The following GRB14 variants were observed in gnomAD, a reference collection of about 807,000 sequenced individuals.
The protein encoded by GRB14 is growth factor receptor bound protein 14.
Under a neutral mutation model 69.1 loss-of-function variants are expected in GRB14, and 38 were observed. That is an observed-to-expected ratio of 0.55 (90% confidence interval 0.42 to 0.72). GRB14 has a LOEUF of 0.72. Among genes scored for constraint, GRB14 ranks in the 30% least tolerant of loss-of-function variants. The pLI, the probability that GRB14 is intolerant of heterozygous loss-of-function variation, is 0.00. For missense variants in GRB14, 666 were observed against 666.1 expected, an observed-to-expected ratio of 1.00 and a Z score of 0.00; for synonymous variants, 247 against 241.3, an observed-to-expected ratio of 1.02 and a Z score of -0.22.
chr2:164,496,939 A>G (rs1220688245), intron 12 of GRB14, 69 bp downstream of exon 12: 1 of 1,211,570 alleles, frequency 8.3e-7, no homozygotes, highest in African/African-American at 1.5e-5. Context: ...GTGGCTATGG[A>G]ATAAATAATT....
chr2:164,580,655 G>T (rs1410594130), intron 2 of GRB14, among the ~76,000 whole-genome samples: 5 of 151,014 alleles, frequency 3.3e-5, no homozygotes, highest in Non-Finnish European at 7.4e-5. Context: ...AGTGAGCCAA[G>T]ATTGTGCCAC....
chr2:164,554,169 A>G (rs1688619238), intron 2 of GRB14, among the ~76,000 whole-genome samples: 1 of 152,162 alleles, frequency 6.6e-6, no homozygotes. Flanking sequence ...GCTGTTCTTA[A>G]GAACCACTGA....
chr2:164,569,126 G>C (rs1044116497), intron 2 of GRB14, among the ~76,000 whole-genome samples: 32 of 152,156 alleles, frequency 2.1e-4, no homozygotes, highest in Non-Finnish European at 3.7e-4. Context: ...TTTTTAAAAA[G>C]CACAAATGTG....
At chr2:164,577,194 C>T (rs1055791473) in intron 2 of GRB14, among the ~76,000 whole-genome samples, 6 of 152,158 alleles carry the variant, frequency 3.9e-5, no homozygotes, top group African/African-American at 1.4e-4. Context: ...CTTTAAGGAA[C>T]AGATCATTTC....
At chr2:164,501,624 T>C (rs996597171) in intron 9 of GRB14, among the ~76,000 whole-genome samples, 5 of 152,158 alleles carry the variant, frequency 3.3e-5, no homozygotes, top group Non-Finnish European at 5.9e-5. Context: ...AAGTTACATT[T>C]AGTATAAGTC....
At chr2:164,531,729 G>T (rs1687943801) in intron 3 of GRB14, among the ~76,000 whole-genome samples, 1 of 152,140 alleles carries the variant, frequency 6.6e-6, no homozygotes, top group South Asian at 2.1e-4. Flanking sequence ...TAACTGGATG[G>T]TGTAGGTCCC....
intron 2 of GRB14, among the ~76,000 whole-genome samples, chr2:164,580,709 GAA>G (rs58711289): frequency 0.04 from 5,675 of 142,682 alleles, 347 homozygotes; most frequent in African/African-American, 0.13. Context: ...ATCTCAGGAA[GAA>G]AAAAAAAAAA....
chr2:164,578,482 A>G (rs922407068), intron 2 of GRB14, among the ~76,000 whole-genome samples: 17 of 151,648 alleles, frequency 1.1e-4, no homozygotes, highest in African/African-American at 4.1e-4. Context: ...AACCCAAAAG[A>G]AAAATGAACA....
chr2:164,504,305 T>G (rs1232787403), intron 8 of GRB14, among the ~76,000 whole-genome samples: 1 of 152,102 alleles, frequency 6.6e-6, no homozygotes, highest in East Asian at 1.9e-4. Flanking sequence ...TATCTCCTTG[T>G]TCATTCCCGC....
chr2:164,506,758 T>C (rs1687199786), intron 8 of GRB14, among the ~76,000 whole-genome samples: 1 of 151,998 alleles, frequency 6.6e-6, no homozygotes, highest in Admixed American at 6.6e-5. Context: ...TATAGATAGA[T>C]ATAGAGAGCT....
intron 8 of GRB14, among the ~76,000 whole-genome samples, chr2:164,506,076 C>T (rs1318123954): frequency 1.3e-5 from 2 of 152,074 alleles, no homozygotes; most frequent in Non-Finnish European, 2.9e-5. Flanking sequence ...CAGAGAAAAC[C>T]AAAAACCACA....
Position 164,547,765 on chromosome 2 carries a change from T to C in GRB14, c.376A>G (p.Ser126Gly), listed in dbSNP as rs747968701. ...CAAACATCTCGAGCCGTTATGTCAC[T>C]GGGTACATCTAAAGCCCTGCTGGTT... Reference protein sequence around the residue: ...DETSRALDVPSDITARDVCQL... With the variant: ...DETSRALDVPGDITARDVCQL... Residue 126 changes from serine to glycine, a missense_variant, in exon 3 of 14, where the codon AGT becomes GGT. Coordinates refer to ENST00000263915, the MANE Select transcript of GRB14 (RefSeq NM_004490.3). The C allele has an allele frequency of 8.7e-6, 14 of 1,613,690 alleles. No homozygotes were observed. The highest frequency in any genetic ancestry group is 1.2e-5 in the Non-Finnish European group (14 of 1,179,748).
At chr2:164,597,564 C>G (rs1330828618) in intron 2 of GRB14, among the ~76,000 whole-genome samples, 1 of 151,890 alleles carries the variant, frequency 6.6e-6, no homozygotes, top group Non-Finnish European at 1.5e-5. Flanking sequence ...ATTAACTATA[C>G]TAGCTAACAA....
chr2:164,505,897 A>T, intron 8 of GRB14, among the ~76,000 whole-genome samples: 1 of 152,136 alleles, frequency 6.6e-6, no homozygotes, highest in Admixed American at 6.6e-5. Context: ...CCTGGTAAAA[A>T]CCAATGGCTT....
intron 9 of GRB14, among the ~76,000 whole-genome samples, chr2:164,498,677 A>C (rs962386887): frequency 2.6e-5 from 4 of 152,188 alleles, no homozygotes; most frequent in Non-Finnish European, 5.9e-5. Flanking sequence ...AAAGCATTTT[A>C]TCTCTCTTTA....
At chr2:164,496,933 CT>C (rs1180242570) in intron 12 of GRB14, 74 bp downstream of exon 12, 1 of 1,148,862 alleles carries the variant, frequency 8.7e-7, no homozygotes, top group Non-Finnish European at 1.3e-6. Flanking sequence ...CTCTTTGTGG[CT>C]ATGGAATAAA....
At chr2:164,566,661 CT>C (rs1221409079) in intron 2 of GRB14, among the ~76,000 whole-genome samples, 1 of 152,054 alleles carries the variant, frequency 6.6e-6, no homozygotes, top group African/African-American at 2.4e-5. Context: ...CCAATTTCCC[CT>C]AGGCTAATTG....
chr2:164,603,148 G>A (rs1340124532), intron 2 of GRB14, among the ~76,000 whole-genome samples: 1 of 152,092 alleles, frequency 6.6e-6, no homozygotes, highest in African/African-American at 2.4e-5. Flanking sequence ...GGTTTTAGGA[G>A]TAAGATAATT....
At position 164,588,277 on chromosome 2, in the gene GRB14, T is replaced by C. The variant is rs979774306; in HGVS notation, c.324+31410A>G. Among the ~76,000 whole-genome samples the C allele has an allele frequency of 2.0e-5, 3 of 152,310 alleles. 1 individual carries two copies. In the South Asian group the frequency reaches 6.2e-4, roughly 32 times the overall value. ...TGCCCAGCCAAGGGTGGGAAAGAAA[T>C]GCAGAAATGTTGCCAATGTACCTCA... On this transcript the variant is annotated intron_variant, in intron 2 of 13. Coordinates refer to ENST00000263915, the MANE Select transcript of GRB14 (RefSeq NM_004490.3).
Sources: allele counts gnomAD v4.1 joint callset (sites outside exome capture counted in the v4.1 genomes callset), GRCh38; gene constraint gnomAD v4.1.1; transcripts MANE v1.5; gene names NCBI Gene and HGNC (gene_info 2026-07-23, HGNC 2026-07-21).